The following POLE variants were observed in gnomAD, a reference collection of about 807,000 sequenced individuals.
POLE encodes DNA polymerase epsilon catalytic subunit A.
A neutral mutation model predicts 279.2 loss-of-function variants in POLE; 188 were observed. The observed-to-expected ratio is 0.67, with a 90% confidence interval of 0.60 to 0.76. POLE has a LOEUF of 0.76. Among genes scored for constraint, POLE ranks in the 30% least tolerant of loss-of-function variants. The probability of loss-of-function intolerance (pLI) is 0.00; values close to 1 mark genes in which losing one functional copy is unlikely to be tolerated. For missense variants in POLE, 2,703 were observed against 3,016.7 expected (o/e 0.90, Z 2.44); for synonymous variants, 1,214 against 1,172.5 (o/e 1.04, Z -0.72).
Position 132,657,169 on chromosome 12 carries a change from G to A in POLE, c.3549C>T (p.Ile1183=). 1 of 1,614,004 alleles carries A rather than the reference G, an allele frequency of 6.2e-7. No individual in the cohort carries two copies. The highest frequency in any genetic ancestry group is 1.1e-5 in the South Asian group (1 of 91,064). Residue 1183 remains isoleucine, a synonymous_variant, in exon 29 of 49, where the codon ATC becomes ATT. Coordinates refer to ENST00000320574, the MANE Select transcript of POLE (RefSeq NM_006231.4). The stretch of plus-strand genomic sequence containing the variant: ...TGCCCTCCAGGGTGAAGAGCTCACT[G>A]ATCTTCTTCTGCTTGTAGACATCAT... The part of the protein sequence containing the change: ...EKNDVYKQKK[I]SELFTLEGRR...
rs1347301977 is a variant in POLE, at chr12:132,625,647, G to A, written c.6655C>T (p.Leu2219=). 3 of 1,613,494 alleles carry A rather than the reference G, an allele frequency of 1.9e-6. No homozygotes were observed. Among genetic ancestry groups the A allele is most frequent in the African/African-American group, 1.3e-5 (1 of 75,070 alleles). Residue 2219 remains leucine (L), a splice_region_variant and synonymous_variant, in exon 47 of 49, where the codon CTG becomes TTG. Transcript: ENST00000320574. ...KKLMAFTLQD[L]VCLKCRGVKE... ...GGCAGGCGGCATGCACGACTCACCAGGTCCTGCAGGGTGAAGGCCATCAGC... is the reference window on the plus strand; with the variant it reads ...GGCAGGCGGCATGCACGACTCACCAAGTCCTGCAGGGTGAAGGCCATCAGC...
At chr12:132,648,049 T>A (rs1162092143) in intron 32 of POLE, among the ~76,000 whole-genome samples, 1 of 152,164 alleles carries the variant, frequency 6.6e-6, no homozygotes, top group Non-Finnish European at 1.5e-5. Context: ...ATTCACAGCA[T>A]CCAGTCAAGA....
chr12:132,639,840 G>A lies in POLE; in HGVS notation c.5379-542C>T, dbSNP rs1026426253. Among the ~76,000 whole-genome samples, 4 of 152,106 alleles carry A rather than the reference G, an allele frequency of 2.6e-5. No homozygotes were observed. The highest frequency in any genetic ancestry group is 4.1e-4 in the South Asian group (2 of 4,824). On this transcript the variant is annotated intron_variant, in intron 39 of 48. Coordinates refer to ENST00000320574, the MANE Select transcript of POLE (RefSeq NM_006231.4). This position sits in a 1 kb window ranked among gnomAD's most constrained non-coding sequence, Gnocchi z 4.7. Reference sequence around the variant, plus strand: ...GTGCATGCCTGTAATCCTGCTACTCGGGAGGCTAAGGCAGGAGAATCGCTT... The same window carrying A: ...GTGCATGCCTGTAATCCTGCTACTCAGGAGGCTAAGGCAGGAGAATCGCTT...
At chr12:132,666,254 T>C (rs1421066038) in intron 20 of POLE, among the ~76,000 whole-genome samples, 8 of 152,220 alleles carry the variant, frequency 5.3e-5, no homozygotes, top group African/African-American at 1.9e-4. Context: ...TTTACAAAAA[T>C]ACAGTACAGA....
chr12:132,687,294 GC>G lies in POLE; in HGVS notation c.21del (p.Arg8GlyfsTer46). 6.7e-7 allele frequency: 1 copy of G among 1,502,080 alleles called. No individual in the cohort carries two copies. Among genetic ancestry groups the G allele is most frequent in the African/African-American group, 1.4e-5 (1 of 70,054 alleles). The allele number at this position is 1,502,080 out of a possible 1,614,324, so 93.0% of individuals were successfully genotyped here. ...TCCGCGCCTGGGTCCGCGCGCCGCCGCCCGCCGCTCCTCAGAGACATGGAGC... is the reference window on the plus strand; with the variant it reads ...TCCGCGCCTGGGTCCGCGCGCCGCCGCCGCCGCTCCTCAGAGACATGGAGC... MSLRSG[G>X]RRRADPGADG... On this transcript the variant is annotated frameshift_variant, in exon 1 of 49. Transcript: ENST00000320574. LOFTEE classifies it high-confidence loss of function.
intron 29 of POLE, among the ~76,000 whole-genome samples, chr12:132,655,023 G>A (rs1396300176): frequency 6.6e-6 from 1 of 152,132 alleles, no homozygotes; most frequent in African/African-American, 2.4e-5. Flanking sequence ...CTGCCTCTCA[G>A]CCTTCCGAGT....
At chr12:132,644,057 C>T (rs1280318377) in intron 32 of POLE, 80 bp from the exon 33 acceptor site, 37 of 1,433,394 alleles carry the variant, frequency 2.6e-5, no homozygotes, top group Non-Finnish European at 3.2e-5. Context: ...ACACGCTATT[C>T]GGAGTCCTAG....
chr12:132,650,034 C>T, intron 29 of POLE, 145 bp from the exon 30 acceptor site: 1 of 659,094 alleles, frequency 1.5e-6, no homozygotes, highest in Non-Finnish European at 2.6e-6. Context: ...AACAGCAAGA[C>T]CCTGTCTCTA....
chr12:132,667,854 G>A (rs549513916), intron 19 of POLE, among the ~76,000 whole-genome samples: 10 of 152,192 alleles, frequency 6.6e-5, no homozygotes, highest in Admixed American at 6.5e-5. Flanking sequence ...GGCCGAGGCA[G>A]GCGGATCACT....
At chr12:132,682,291 CAAAA>C (rs759276322) in intron 1 of POLE, among the ~76,000 whole-genome samples, 1 of 120,474 alleles carries the variant, frequency 8.3e-6, no homozygotes, top group Admixed American at 9.1e-5. Context: ...GAGACTCCGG[CAAAA>C]AAAAAAAAAT....
chr12:132,637,023 C>A (rs1235960002), intron 41 of POLE, among the ~76,000 whole-genome samples: 1 of 152,220 alleles, frequency 6.6e-6, no homozygotes, highest in Non-Finnish European at 1.5e-5. Flanking sequence ...ACATCCTTCC[C>A]ATTATCTCAG....
At chr12:132,667,236 A>G (rs529863835) in intron 20 of POLE, among the ~76,000 whole-genome samples, 2 of 152,328 alleles carry the variant, frequency 1.3e-5, no homozygotes, top group East Asian at 3.9e-4. Context: ...TCAAACGGCC[A>G]GCCAGCTGTA....
rs768719788 is a variant in POLE, at chr12:132,642,736, C to T, written c.4729-7G>A. ...TGGGCCCCCGGCGCTCCTCCTGGGT[C>T]AAGGCAAAATGGAAGAAAAGACCTG... On this transcript the variant is annotated splice_polypyrimidine_tract_variant and splice_region_variant and intron_variant, in intron 36 of 48. Transcript: ENST00000320574. The T allele has an allele frequency of 1.2e-6, 2 of 1,613,460 alleles. No individual in the cohort carries two copies. The highest frequency in any genetic ancestry group is 1.7e-6 in the Non-Finnish European group (2 of 1,179,774).
Position 132,632,296 on chromosome 12 carries a change from C to T in POLE, c.6330+19G>A, listed in dbSNP as rs5745025. 2.2e-3 allele frequency: 3,498 copies of T among 1,600,686 alleles called. 54 individuals are homozygous for T. The African/African-American group carries it at 0.042, about 19-fold the overall frequency. ...TGTACGTTAGTGTCCTCTCCTCACACGCACGCTGGCACTCTCACCTTGCAC... is the reference window on the plus strand; with the variant it reads ...TGTACGTTAGTGTCCTCTCCTCACATGCACGCTGGCACTCTCACCTTGCAC... On this transcript the variant is annotated intron_variant, in intron 45 of 48. Transcript: ENST00000320574.
At position 132,657,432 on chromosome 12, in the gene POLE, G is replaced by T. The variant is rs61952117; in HGVS notation, c.3379-3C>A. 3 of 1,613,920 alleles carry T rather than the reference G, an allele frequency of 1.9e-6. No homozygotes were observed. The highest frequency in any genetic ancestry group is 2.5e-6 in the Non-Finnish European group (3 of 1,179,894). On this transcript the variant is annotated splice_polypyrimidine_tract_variant and splice_region_variant and intron_variant, in intron 27 of 48. Transcript: ENST00000320574. Reference sequence around the variant, plus strand: ...ATGTAGTAGTCCCAATCCAGAATCTGCATGTGCAGGAAACGGGCACAGAGA... The same window carrying T: ...ATGTAGTAGTCCCAATCCAGAATCTTCATGTGCAGGAAACGGGCACAGAGA...
intron 1 of POLE, among the ~76,000 whole-genome samples, chr12:132,685,521 G>A (rs559025709): frequency 6.6e-6 from 1 of 152,372 alleles, no homozygotes; most frequent in African/African-American, 2.4e-5. Context: ...TTAAGGATGA[G>A]ATGAGGTAAC....
chr12:132,659,169 T>A, intron 26 of POLE, 126 bp downstream of exon 26: 1 of 965,710 alleles, frequency 1.0e-6, no homozygotes. Context: ...CCCTTACCTC[T>A]CCGTGACAGG....
At chr12:132,638,828 C>T (rs1433099564) in intron 40 of POLE, 1 of 372,680 alleles carries the variant, frequency 2.7e-6, no homozygotes, top group Non-Finnish European at 5.0e-6. Flanking sequence ...GATCTCCTGA[C>T]ACAGGCATAT....
At chr12:132,679,454 C>T (rs372253411) in intron 6 of POLE, 43 bp downstream of exon 6, 27 of 1,566,514 alleles carry the variant, frequency 1.7e-5, no homozygotes, top group East Asian at 2.3e-5. Flanking sequence ...TCCATCTTGT[C>T]GTTCTGAACC....
Sources: gnomAD v4.1 joint callset for allele counts (sites outside exome capture counted in the v4.1 genomes callset) on GRCh38, gnomAD v4.1.1 for gene constraint, Gnocchi (gnomAD v3.1) non-coding constraint, MANE v1.5 for transcripts, NCBI Gene and HGNC (gene_info 2026-07-23, HGNC 2026-07-21) for gene names.